RGS6: variants seen among roughly 807,000 people sequenced by gnomAD.
RGS6 encodes the protein regulator of G-protein signaling 6.
In RGS6, 30 loss-of-function variants were observed where a neutral mutation model predicts 78.5. That is an observed-to-expected ratio of 0.38 (90% CI 0.29 to 0.52). The LOEUF (loss-of-function observed/expected upper bound fraction) is 0.52, where lower values mean the gene tolerates loss of function less well. RGS6 is among the 20% of genes least tolerant of loss of function. The pLI is 0.85. For synonymous variants in RGS6, 206 were observed against 206.0 expected (o/e 1.00, Z 0.00); for missense variants, 495 against 609.7 (o/e 0.81, Z 1.98).
intron 2 of RGS6, among the ~76,000 whole-genome samples, chr14:72,324,887 G>A (rs1263795453): frequency 2.0e-5 from 3 of 152,086 alleles, no homozygotes; most frequent in Non-Finnish European, 2.9e-5. Context: ...GGGATGGCTG[G>A]GTCAAATGGT....
intron 2 of RGS6, among the ~76,000 whole-genome samples, chr14:72,067,114 A>G (rs896320073): frequency 3.3e-5 from 5 of 152,178 alleles, no homozygotes; most frequent in African/African-American, 9.7e-5. Context: ...TAGTGCTGCA[A>G]TAAACATACG....
At chr14:72,335,794 C>A (rs2075917094) in intron 2 of RGS6, among the ~76,000 whole-genome samples, 1 of 152,170 alleles carries the variant, frequency 6.6e-6, no homozygotes, top group Admixed American at 6.5e-5. Flanking sequence ...GGCCTGTGGG[C>A]CACTGGCTGG....
At chr14:72,162,598 G>A (rs538160762) in intron 2 of RGS6, among the ~76,000 whole-genome samples, 5 of 152,214 alleles carry the variant, frequency 3.3e-5, no homozygotes, top group Non-Finnish European at 5.9e-5. Flanking sequence ...TTGCTATTTC[G>A]TAACCTCTAT....
At chr14:72,139,328 C>A (rs1466297629) in intron 2 of RGS6, among the ~76,000 whole-genome samples, 1 of 152,192 alleles carries the variant, frequency 6.6e-6, no homozygotes, top group Non-Finnish European at 1.5e-5. Flanking sequence ...TAATATAGGC[C>A]TTTTCTGCTT....
At chr14:72,558,529 A>G (rs1368153670) in intron 17 of RGS6, among the ~76,000 whole-genome samples, 1 of 152,200 alleles carries the variant, frequency 6.6e-6, no homozygotes, top group African/African-American at 2.4e-5. Context: ...CAGCATGTCA[A>G]GCAGCATGTT....
chr14:72,259,910 CAAAAAA>C (rs11287556), intron 2 of RGS6, among the ~76,000 whole-genome samples: 82 of 68,402 alleles, frequency 1.2e-3, no homozygotes, highest in South Asian at 1.4e-3. Context: ...GACTCCGTCT[CAAAAAA>C]AAAAAAAAAA....
At chr14:72,276,998 A>G (rs918189932) in intron 2 of RGS6, among the ~76,000 whole-genome samples, 1 of 152,130 alleles carries the variant, frequency 6.6e-6, no homozygotes, top group African/African-American at 2.4e-5. Flanking sequence ...TTTTTTGTGC[A>G]CTGATTTCTC....
the RGS6 span, among the ~76,000 whole-genome samples, chr14:71,881,828 A>G: frequency 0.18 from 27,776 of 152,064 alleles, 2,594 homozygotes; most frequent in East Asian, 0.27. Context: ...TGACAATTGG[A>G]CAGTATGTCT....
intron 2 of RGS6, among the ~76,000 whole-genome samples, chr14:72,330,237 G>A (rs997274965): frequency 6.6e-6 from 1 of 152,232 alleles, no homozygotes; most frequent in Non-Finnish European, 1.5e-5. Context: ...GTAAATGCAT[G>A]TACTAAATGC....
intron 2 of RGS6, among the ~76,000 whole-genome samples, chr14:72,350,193 G>T (rs772678090): frequency 4.9e-4 from 74 of 152,258 alleles, no homozygotes; most frequent in Middle Eastern, 6.8e-3. Context: ...GAAGGGCTGG[G>T]AGCTTAGAAT....
chr14:72,465,247 T>C (rs1025619138), intron 6 of RGS6, among the ~76,000 whole-genome samples: 7 of 152,106 alleles, frequency 4.6e-5, no homozygotes, highest in Non-Finnish European at 1.0e-4. Context: ...TCTGAGGCCA[T>C]TGAGGACTCC....
chr14:72,607,319 G>A, the RGS6 span, among the ~76,000 whole-genome samples: 1 of 152,194 alleles, frequency 6.6e-6, no homozygotes, highest in East Asian at 1.9e-4. Context: ...CAAGATCAAG[G>A]TGCCAGCAGA....
chr14:72,328,015 G>A (rs1381184511), intron 2 of RGS6, among the ~76,000 whole-genome samples: 2 of 152,136 alleles, frequency 1.3e-5, no homozygotes, highest in Non-Finnish European at 2.9e-5. Flanking sequence ...AGAGAAGCAG[G>A]AAAGCCAGTG....
chr14:72,252,675 A>C (rs2056094298), intron 2 of RGS6, among the ~76,000 whole-genome samples: 1 of 152,226 alleles, frequency 6.6e-6, no homozygotes, highest in Admixed American at 6.5e-5. Flanking sequence ...TTTAGCCAAA[A>C]CATATTCTCA....
At chr14:72,227,122 T>C (rs554473857) in intron 2 of RGS6, among the ~76,000 whole-genome samples, 1 of 152,368 alleles carries the variant, frequency 6.6e-6, no homozygotes, top group Non-Finnish European at 1.5e-5. Flanking sequence ...ATTTAAAATA[T>C]GAAGATGTTG....
In RGS6 at chr14:72,225,696, C is replaced by T. The variant is rs1399158122; in HGVS notation, c.85-126399C>T. Among the ~76,000 whole-genome samples the T allele has an allele frequency of 2.6e-5, 4 of 152,122 alleles. 1 individual carries two copies. The highest frequency in any genetic ancestry group is 4.2e-4 in the South Asian group (2 of 4,814). On this transcript the variant is annotated intron_variant, in intron 2 of 17. Transcript: ENST00000553525. The stretch of plus-strand genomic sequence containing the variant: ...TAATACCACCACCAAAGATACCTAA[C>T]GTTAATAATATAGCATGTATTCCTC...
intron 17 of RGS6, chr14:72,550,403 T>A: frequency 6.9e-7 from 1 of 1,444,740 alleles, no homozygotes; most frequent in African/African-American, 1.4e-5. Flanking sequence ...TGCCCCTGGC[T>A]TTTTTTGTTT....
the RGS6 span, among the ~76,000 whole-genome samples, chr14:71,885,341 C>T: frequency 6.6e-6 from 1 of 152,162 alleles, no homozygotes; most frequent in Non-Finnish European, 1.5e-5. Context: ...TTTTTCCTTT[C>T]AAAATTTGCC....
intron 3 of RGS6, among the ~76,000 whole-genome samples, chr14:72,404,039 G>A (rs980191132): frequency 2.6e-5 from 4 of 152,106 alleles, no homozygotes; most frequent in East Asian, 1.9e-4. Context: ...GAGAAACACC[G>A]GCCATACAAG....
Sources: allele counts gnomAD v4.1 joint callset (sites outside exome capture counted in the v4.1 genomes callset), GRCh38; gene constraint gnomAD v4.1.1; transcripts MANE v1.5; gene names NCBI Gene and HGNC (gene_info 2026-07-23, HGNC 2026-07-21).